Variants in KAZN observed in about 807,000 individuals in gnomAD.
The protein encoded by KAZN is kazrin, periplakin interacting protein, also known as kazrin.
KAZN carries 40 observed loss-of-function variants against 87.4 expected under a neutral mutation model. That is an observed-to-expected ratio of 0.46 (90% confidence interval 0.36 to 0.60). KAZN has a LOEUF of 0.60. Among genes scored for constraint, KAZN ranks in the 20% least tolerant of loss-of-function variants. The pLI is 0.00. For missense variants in KAZN, 898 were observed against 1,073.9 expected, an observed-to-expected ratio of 0.84 and a Z score of 2.29; for synonymous variants, 466 against 458.3, an observed-to-expected ratio of 1.02 and a Z score of -0.22.
Position 14,668,314 on chromosome 1 carries a change from C to T in KAZN, c.226+69091C>T, listed in dbSNP as rs972489583. ...TCAGAAGTTTATTGAACTGAACGTC[C>T]CTGGGTGAGTCCATCAGCGGTTCAT... On this transcript the variant is annotated intron_variant, in intron 1 of 14. Transcript: ENST00000376030. Among the ~76,000 whole-genome samples, 4 of 152,290 alleles carry T rather than the reference C, an allele frequency of 2.6e-5. No homozygotes were observed. The East Asian group carries it at 7.7e-4, about 29-fold the overall frequency.
At chr1:14,505,774 G>C (rs1014175284) in intron 2 of KAZN, among the ~76,000 whole-genome samples, 1 of 152,156 alleles carries the variant, frequency 6.6e-6, no homozygotes, top group Admixed American at 6.5e-5. Context: ...AGGAGTTTGC[G>C]ACCAGCCTGG....
chr1:14,727,450 CTTTTTTTTT>C (rs57203868), intron 1 of KAZN, among the ~76,000 whole-genome samples: 3 of 73,918 alleles, frequency 4.1e-5, no homozygotes, highest in Middle Eastern at 7.5e-3. Context: ...TGTGCACTTT[CTTTTTTTTT>C]TTTTTTTTTT....
intron 1 of KAZN, among the ~76,000 whole-genome samples, chr1:14,801,829 A>G (rs1016737024): frequency 6.7e-5 from 10 of 150,142 alleles, no homozygotes; most frequent in East Asian, 2.0e-4. Context: ...GACTACAGGC[A>G]CCCGCCATCA....
intron 2 of KAZN, among the ~76,000 whole-genome samples, chr1:14,503,498 A>G (rs1670381378): frequency 6.7e-6 from 1 of 149,478 alleles, no homozygotes; most frequent in Non-Finnish European, 1.5e-5. Flanking sequence ...AAAAAGATTC[A>G]ATGAATTGAT....
rs6143132 is a variant in KAZN at position 13,951,623 on chromosome 1, GATAATAATAATAATA to G, written c.91+57901_91+57915del. On this transcript the variant is annotated intron_variant, in intron 1 of 16. Coordinates refer to the KAZN transcript ENST00000636203. ...CTTAGAATCTTAGCTCTAAAATGGA[GATAATAATAATAATA>G]ATAATAATAATAATAATAATAATAA... Among the ~76,000 whole-genome samples, 378 of 148,494 alleles carry G rather than the reference GATAATAATAATAATA, an allele frequency of 2.5e-3. 3 individuals are homozygous for G. Among genetic ancestry groups the G allele is most frequent in the African/African-American group, 8.9e-3 (355 of 39,968 alleles).
At chr1:14,801,362 AG>A (rs1209607151) in intron 1 of KAZN, among the ~76,000 whole-genome samples, 2 of 152,144 alleles carry the variant, frequency 1.3e-5, no homozygotes. Flanking sequence ...TTTCGTGACG[AG>A]GGGTGGCACG....
In KAZN at chr1:13,935,228, A is replaced by C. The variant is rs1002492550; in HGVS notation, c.91+41472A>C. 5.0e-5 allele frequency among the ~76,000 whole-genome samples: 4 copies of C among 80,398 alleles called. No individual in the cohort carries two copies. The Admixed American group carries it at 5.9e-4, about 12-fold the overall frequency. The allele number at this position is 80,398 out of a possible 152,430, so 52.7% of individuals were successfully genotyped here. A position where few individuals can be genotyped will look rare whatever the true frequency, so the allele number is the denominator to read the frequency against. On this transcript the variant is annotated intron_variant, in intron 1 of 16. Transcript: ENST00000636203. ...CTCCAGCCTGGGCAGCAAGAGCGAA[A>C]CTCCGTATCAAATAGTAGTAGTAGT...
At chr1:14,624,947 C>T (rs1052132417) in intron 1 of KAZN, among the ~76,000 whole-genome samples, 2 of 152,084 alleles carry the variant, frequency 1.3e-5, no homozygotes, top group Admixed American at 6.5e-5. Context: ...CCTGAACAAA[C>T]AGGGACAACA....
At chr1:14,791,228 A>T (rs116669952) in intron 1 of KAZN, among the ~76,000 whole-genome samples, 2,165 of 152,054 alleles carry the variant, frequency 0.014, 25 homozygotes, top group South Asian at 0.054. Flanking sequence ...TTTTATTAAG[A>T]TTTCATCACC....
intron 2 of KAZN, among the ~76,000 whole-genome samples, chr1:14,210,557 C>A (rs1646833984): frequency 6.6e-6 from 1 of 152,116 alleles, no homozygotes; most frequent in South Asian, 2.1e-4. Context: ...TGCATATGGG[C>A]AGGCAAATTC....
intron 2 of KAZN, among the ~76,000 whole-genome samples, chr1:14,262,438 C>T (rs142188168): frequency 0.017 from 2,519 of 152,184 alleles, 40 homozygotes; most frequent in Non-Finnish European, 0.025. Context: ...TGGCAATTGC[C>T]GCTTTTAAAA....
Position 15,066,449 on chromosome 1 carries a change from A to T in KAZN, c.1222+696A>T, listed in dbSNP as rs1359494536. The T allele has an allele frequency of 2.0e-6, 2 of 983,534 alleles. No individual in the cohort carries two copies. Among genetic ancestry groups the T allele is most frequent in the African/African-American group, 3.5e-5 (2 of 56,542 alleles). The allele number at this position is 983,534 out of a possible 1,614,324, so 60.9% of individuals were successfully genotyped here. A position where few individuals can be genotyped will look rare whatever the true frequency, so the allele number is the denominator to read the frequency against. On this transcript the variant is annotated intron_variant, in intron 8 of 14. Transcript: ENST00000376030. The surrounding 1 kb of genome is among the most constrained non-coding windows in gnomAD (Gnocchi z 4.3). ...AGGGTAAGCTCTGCTCTCTACAAAG[A>T]CTCGCGAGCCGGGCCAAGGGGCCTT...
chr1:14,759,574 A>G (rs1481101930), intron 1 of KAZN, among the ~76,000 whole-genome samples: 1 of 152,182 alleles, frequency 6.6e-6, no homozygotes, highest in Non-Finnish European at 1.5e-5. Context: ...GCACTAAAAG[A>G]CAGTCTGCAA....
intron 1 of KAZN, among the ~76,000 whole-genome samples, chr1:14,622,575 C>G (rs1678790686): frequency 6.6e-6 from 1 of 151,514 alleles, no homozygotes; most frequent in African/African-American, 2.4e-5. Flanking sequence ...CCTGTATTCC[C>G]AGCTACTCAG....
At chr1:14,610,813 C>G (rs776899368) in intron 1 of KAZN, among the ~76,000 whole-genome samples, 1 of 152,006 alleles carries the variant, frequency 6.6e-6, no homozygotes, top group Non-Finnish European at 1.5e-5. Flanking sequence ...CACAATAAAT[C>G]TGCCTGATTT....
At chr1:14,568,871 A>G (rs575954231) in intron 2 of KAZN, among the ~76,000 whole-genome samples, 1 of 152,304 alleles carries the variant, frequency 6.6e-6, no homozygotes, top group African/African-American at 2.4e-5. Flanking sequence ...CCCCCACCAG[A>G]TTCCGATCCA....
chr1:14,940,352 A>C (rs1035053239), intron 1 of KAZN, among the ~76,000 whole-genome samples: 111 of 152,290 alleles, frequency 7.3e-4, no homozygotes, highest in African/African-American at 2.2e-3. Context: ...ATTGAGCCAA[A>C]AATTGATCTC....
At chr1:14,581,637 C>T (rs977881511) in intron 2 of KAZN, among the ~76,000 whole-genome samples, 2 of 152,144 alleles carry the variant, frequency 1.3e-5, no homozygotes, top group African/African-American at 4.8e-5. Context: ...CCTCACAGTC[C>T]CCAAGGGGAC....
At chr1:14,410,652 GA>G (rs1664230385) in intron 2 of KAZN, among the ~76,000 whole-genome samples, 1 of 152,172 alleles carries the variant, frequency 6.6e-6, no homozygotes, top group South Asian at 2.1e-4. Flanking sequence ...GGCAGGCCCT[GA>G]ATACAATCAG....
Sources: gnomAD v4.1 joint callset for allele counts (sites outside exome capture counted in the v4.1 genomes callset) on GRCh38, gnomAD v4.1.1 for gene constraint, Gnocchi (gnomAD v3.1) non-coding constraint, MANE v1.5 for transcripts, NCBI Gene and HGNC (gene_info 2026-07-23, HGNC 2026-07-21) for gene names.